Variants in PCGF6 observed in about 807,000 individuals in gnomAD.
PCGF6 encodes polycomb group ring finger 6, also known as polycomb group RING finger protein 6.
Under a neutral mutation model 45.5 loss-of-function variants are expected in PCGF6, and 24 were observed. That is an observed-to-expected ratio of 0.53 (90% confidence interval 0.38 to 0.74). The LOEUF (loss-of-function observed/expected upper bound fraction) is 0.74, where lower values mean the gene tolerates loss of function less well. Ranked by LOEUF, PCGF6 falls within the 30% of genes least tolerant of loss-of-function variation. The pLI, the probability that PCGF6 is intolerant of heterozygous loss-of-function variation, is 0.00. For missense variants in PCGF6, 356 were observed against 443.2 expected, an observed-to-expected ratio of 0.80 and a Z score of 1.77; for synonymous variants, 152 against 162.1, an observed-to-expected ratio of 0.94 and a Z score of 0.47.
intron 7 of PCGF6, among the ~76,000 whole-genome samples, chr10:103,332,560 G>A (rs925359789): frequency 2.6e-5 from 4 of 152,134 alleles, no homozygotes; most frequent in Non-Finnish European, 5.9e-5. Context: ...ACAGATGTGA[G>A]CCAACGAACC....
At chr10:103,343,109 T>A (rs990660218) in intron 6 of PCGF6, among the ~76,000 whole-genome samples, 1 of 152,152 alleles carries the variant, frequency 6.6e-6, no homozygotes, top group East Asian at 1.9e-4. Context: ...TTTGTATTTT[T>A]AGTAGAGACG....
In PCGF6 at chr10:103,351,128, G is replaced by C. The variant is rs2093320371; in HGVS notation, c.-62C>G. On this transcript the variant is annotated 5_prime_UTR_variant, in exon 1 of 10. Coordinates refer to ENST00000369847, the MANE Select transcript of PCGF6 (RefSeq NM_001011663.2). ...AGAGCGCGGGAGTTCGGCCGGCCTC[G>C]GACGCCACCACTGCGCAGGCGCGGC... 2 of 1,326,546 alleles carry C rather than the reference G, an allele frequency of 1.5e-6. No homozygotes were observed. The highest frequency in any genetic ancestry group is 2.3e-5 in the South Asian group (1 of 42,554). 82.2% of individuals were successfully genotyped at this position (1,326,546 alleles called of 1,614,324 possible). A position where few individuals can be genotyped will look rare whatever the true frequency, so the allele number is the denominator to read the frequency against.
chr10:103,319,403 G>A (rs900639269), intron 8 of PCGF6, among the ~76,000 whole-genome samples: 4 of 151,666 alleles, frequency 2.6e-5, no homozygotes, highest in East Asian at 3.9e-4. Flanking sequence ...TGCCCGCCTC[G>A]GCCTCCCAAA....
chr10:103,338,544 CAAA>C (rs369499715), intron 6 of PCGF6, among the ~76,000 whole-genome samples: 8 of 107,446 alleles, frequency 7.4e-5, no homozygotes, highest in Non-Finnish European at 1.1e-4. Flanking sequence ...GACTCCATCT[CAAA>C]AAAAAAAAAA....
At chr10:103,332,968 G>C (rs1228244325) in intron 7 of PCGF6, among the ~76,000 whole-genome samples, 1 of 151,938 alleles carries the variant, frequency 6.6e-6, no homozygotes, top group African/African-American at 2.4e-5. Flanking sequence ...TGCAAAATTA[G>C]CTGGGCGTGG....
chr10:103,314,334 A>T (rs1050737629), intron 8 of PCGF6, 62 bp from the exon 9 acceptor site: 13 of 967,064 alleles, frequency 1.3e-5, no homozygotes, highest in South Asian at 3.1e-5. Flanking sequence ...TGAAGAAATG[A>T]GGAAAACAAA....
intron 6 of PCGF6, among the ~76,000 whole-genome samples, chr10:103,342,000 A>G (rs914735918): frequency 6.6e-6 from 1 of 151,884 alleles, no homozygotes; most frequent in Non-Finnish European, 1.5e-5. Flanking sequence ...CAGTGGCACA[A>G]TCTCAGCTCA....
intron 6 of PCGF6, among the ~76,000 whole-genome samples, chr10:103,340,197 A>AT (rs2093275651): frequency 0.012 from 1,177 of 94,192 alleles, 8 homozygotes; most frequent in African/African-American, 0.043. Context: ...AAAAAAAAAA[A>AT]AATATATATA....
chr10:103,314,520 T>G lies in PCGF6; in HGVS notation c.910-248A>C, dbSNP rs191482019. Among the ~76,000 whole-genome samples, 275 of 152,326 alleles carry G rather than the reference T, an allele frequency of 1.8e-3. 3 individuals carry two copies. Among genetic ancestry groups the G allele is most frequent in the Non-Finnish European group, 7.2e-4 (49 of 68,034 alleles). On this transcript the variant is annotated intron_variant, in intron 8 of 9. Coordinates refer to ENST00000369847, the MANE Select transcript of PCGF6 (RefSeq NM_001011663.2). ...TAATTGATATTCAAAATGATTTCCC[T>G]GAATCTCAAAGAAATTAAGTCATTT...
At chr10:103,337,606 T>C (rs1282333687) in intron 6 of PCGF6, among the ~76,000 whole-genome samples, 6 of 152,172 alleles carry the variant, frequency 3.9e-5, no homozygotes, top group African/African-American at 1.4e-4. Context: ...ACATAGAAAC[T>C]ATAGAACAAA....
chr10:103,325,426 G>A (rs2093214539), intron 8 of PCGF6, among the ~76,000 whole-genome samples: 1 of 151,868 alleles, frequency 6.6e-6, no homozygotes, highest in South Asian at 2.1e-4. Flanking sequence ...GCTAATTTTT[G>A]TATTTTTTAG....
At chr10:103,340,169 T>G (rs1394139011) in intron 6 of PCGF6, among the ~76,000 whole-genome samples, 1 of 111,986 alleles carries the variant, frequency 8.9e-6, no homozygotes, top group Non-Finnish European at 1.7e-5. Context: ...AAAGTAAGAC[T>G]CTGTCTCAGG....
chr10:103,326,717 A>C, intron 7 of PCGF6, 85 bp from the exon 8 acceptor site: 1 of 887,788 alleles, frequency 1.1e-6, no homozygotes, highest in Non-Finnish European at 1.6e-6. Context: ...GTAATGTGTA[A>C]ACATTAAAGA....
Position 103,348,790 on chromosome 10 carries a change from T to G in PCGF6, c.483A>C (p.Arg161Ser), listed in dbSNP as rs2093309084. 1 of 1,613,130 alleles carries G rather than the reference T, an allele frequency of 6.2e-7. No homozygotes were observed. Among genetic ancestry groups the G allele is most frequent in the Non-Finnish European group, 8.5e-7 (1 of 1,179,552 alleles). The change falls in exon 3 of 10, where the codon AGA (arginine) becomes AGC (serine). Residue 161 changes from arginine to serine, a missense_variant. By Grantham distance (110) the Arg-to-Ser change is moderately radical. Coordinates refer to ENST00000369847, the MANE Select transcript of PCGF6 (RefSeq NM_001011663.2). ...GACATCTGTTGCTGTAGTAAAAATG[T>G]CTTACGATGCAGCTTTTACAAACTG... is the stretch of plus-strand genomic sequence containing the variant. Reference protein sequence around the residue: ...LHTFCKSCIVRHFYYSNRCPK... With the variant: ...LHTFCKSCIVSHFYYSNRCPK...
chr10:103,312,059 T>C (rs1338511969), intron 9 of PCGF6, among the ~76,000 whole-genome samples: 1 of 119,948 alleles, frequency 8.3e-6, no homozygotes, highest in African/African-American at 3.3e-5. Context: ...CACTCCAGCC[T>C]GGTGACAGAG....
At chr10:103,308,216 G>A (rs1185924048) in intron 9 of PCGF6, among the ~76,000 whole-genome samples, 1 of 152,104 alleles carries the variant, frequency 6.6e-6, no homozygotes. Context: ...CAGAATGGTA[G>A]ACCCACTGAG....
intron 6 of PCGF6, among the ~76,000 whole-genome samples, chr10:103,336,592 C>T (rs928372811): frequency 1.3e-5 from 2 of 152,036 alleles, no homozygotes; most frequent in African/African-American, 4.8e-5. Flanking sequence ...TGCTTGCTTG[C>T]GGCCAGGTGC....
intron 8 of PCGF6, among the ~76,000 whole-genome samples, chr10:103,321,152 G>C (rs2093195838): frequency 6.6e-6 from 1 of 152,160 alleles, no homozygotes; most frequent in Admixed American, 6.6e-5. Flanking sequence ...AGCTGACAAA[G>C]AAAATTAAAG....
chr10:103,339,187 G>C (rs1024126523), intron 6 of PCGF6, among the ~76,000 whole-genome samples: 15 of 152,140 alleles, frequency 9.9e-5, no homozygotes, highest in African/African-American at 3.4e-4. Context: ...GGCCAAGGCG[G>C]GTAGATTGCT....
Sources: gnomAD v4.1 joint callset for allele counts (sites outside exome capture counted in the v4.1 genomes callset) on GRCh38, gnomAD v4.1.1 for gene constraint, MANE v1.5 for transcripts, NCBI Gene and HGNC (gene_info 2026-07-23, HGNC 2026-07-21) for gene names.